PAX7: variants seen among roughly 807,000 people sequenced by gnomAD.
PAX7 encodes the protein paired box 7.
In PAX7, 18 loss-of-function variants were observed where a neutral mutation model predicts 50.7. The ratio of observed to expected loss-of-function variants is 0.36; its 90% confidence interval spans 0.25 to 0.53. PAX7 has a LOEUF of 0.53. Ranked by LOEUF, PAX7 falls within the 20% of genes least tolerant of loss-of-function variation. PAX7 has a pLI of 0.93. For missense variants in PAX7, 644 were observed against 702.9 expected (o/e 0.92, Z 0.95); for synonymous variants, 310 against 290.4 (o/e 1.07, Z -0.69).
At chr1:18,687,474 C>T (rs2100285387) in intron 4 of PAX7, among the ~76,000 whole-genome samples, 1 of 152,274 alleles carries the variant, frequency 6.6e-6, no homozygotes, top group South Asian at 2.1e-4. Context: ...GGCTGTGTGT[C>T]CTCCATCCAA....
chr1:18,674,737 T>C (rs1329785750), intron 4 of PAX7, among the ~76,000 whole-genome samples: 1 of 152,226 alleles, frequency 6.6e-6, no homozygotes, highest in Non-Finnish European at 1.5e-5. Context: ...GTTGTGTGTT[T>C]CTCCCCAGGC....
At position 18,681,111 on chromosome 1, in the gene PAX7, G is replaced by C. The variant is rs373863598; in HGVS notation, c.587-10643G>C. ...GAACCTGGGAGGCGGAGGTTGCGGT[G>C]AGCTGAGATTGTACCATTGCACTCC... On this transcript the variant is annotated intron_variant, in intron 4 of 8. Coordinates refer to ENST00000420770, the MANE Select transcript of PAX7 (RefSeq NM_001135254.2). 4.7e-4 allele frequency among the ~76,000 whole-genome samples: 70 copies of C among 148,644 alleles called. 1 individual carries two copies. In the South Asian group the frequency reaches 0.015, roughly 33 times the overall value.
At chr1:18,708,759 G>A (rs762547034) in intron 7 of PAX7, among the ~76,000 whole-genome samples, 11 of 152,080 alleles carry the variant, frequency 7.2e-5, no homozygotes, top group Non-Finnish European at 1.5e-4. Context: ...GGGATCTCCA[G>A]TCTGGTGGGG....
At chr1:18,742,148 CTTTTTT>C (rs61248648) in intron 8 of PAX7, among the ~76,000 whole-genome samples, 6 of 103,552 alleles carry the variant, frequency 5.8e-5, no homozygotes, top group Admixed American at 3.3e-4. Flanking sequence ...AATGAGGCTT[CTTTTTT>C]TTTTTTTTTT....
At chr1:18,707,483 G>C (rs769007764) in intron 7 of PAX7, among the ~76,000 whole-genome samples, 3 of 131,278 alleles carry the variant, frequency 2.3e-5, no homozygotes, top group African/African-American at 8.7e-5. Flanking sequence ...GCAGTGGCGC[G>C]ATCTCAGCTC....
chr1:18,734,993 A>G (rs977080900), intron 7 of PAX7, among the ~76,000 whole-genome samples: 2 of 152,204 alleles, frequency 1.3e-5, no homozygotes, highest in African/African-American at 2.4e-5. Flanking sequence ...CTGGCCAGGC[A>G]GGGAAGGAGG....
At chr1:18,676,373 G>A (rs2236829) in intron 4 of PAX7, among the ~76,000 whole-genome samples, 4,055 of 151,172 alleles carry the variant, frequency 0.027, 114 homozygotes, top group East Asian at 0.14. Flanking sequence ...ATGGGGGCAC[G>A]ACAGGTTGGG....
intron 7 of PAX7, among the ~76,000 whole-genome samples, chr1:18,710,259 C>T (rs2236823): frequency 0.35 from 53,633 of 151,876 alleles, 10,518 homozygotes; most frequent in Non-Finnish European, 0.44. Context: ...TCAGGTCTGC[C>T]GGACCCAGGA....
At chr1:18,701,348 G>C (rs1557539114) in intron 6 of PAX7, among the ~76,000 whole-genome samples, 1 of 152,086 alleles carries the variant, frequency 6.6e-6, no homozygotes, top group Non-Finnish European at 1.5e-5. Flanking sequence ...GCGTGTGAGT[G>C]CATGAGTGTG....
chr1:18,728,006 T>C (rs2089595659), intron 7 of PAX7, among the ~76,000 whole-genome samples: 1 of 150,948 alleles, frequency 6.6e-6, no homozygotes, highest in South Asian at 2.1e-4. Context: ...AGTGGAGTAT[T>C]GAGAGGAAGA....
rs909831896 is a variant in PAX7 at position 18,699,085 on chromosome 1, C to A, written c.787-1568C>A. Among the ~76,000 whole-genome samples the A allele has an allele frequency of 6.6e-5, 10 of 152,326 alleles. 2 individuals carry two copies. Among genetic ancestry groups the A allele is most frequent in the Admixed American group, 6.5e-4 (10 of 15,304 alleles). ...GCACCCCAGTGCCAATCCTGCCTCC[C>A]CTTGTTCATTCATTCATTCGTCATT... On this transcript the variant is annotated intron_variant, in intron 5 of 8. Coordinates refer to ENST00000420770, the MANE Select transcript of PAX7 (RefSeq NM_001135254.2).
Position 18,747,959 on chromosome 1 carries a change from T to C in PAX7, c.*3030T>C. ...CTTTCAATCTTGTTCCTTTATTTTTTTCATTTGGTATTTCTCTCTTGCTAT... is the reference window on the plus strand; with the variant it reads ...CTTTCAATCTTGTTCCTTTATTTTTCTCATTTGGTATTTCTCTCTTGCTAT... On this transcript the variant is annotated 3_prime_UTR_variant, in exon 9 of 9. Transcript: ENST00000420770. 5.0e-6 allele frequency: 1 copy of C among 200,366 alleles called. No individual in the cohort carries two copies. The highest frequency in any genetic ancestry group is 1.0e-5 in the Non-Finnish European group (1 of 97,056). 12.4% of individuals were successfully genotyped at this position (200,366 alleles called of 1,614,324 possible). A position where few individuals can be genotyped will look rare whatever the true frequency, so the allele number is the denominator to read the frequency against.
intron 4 of PAX7, among the ~76,000 whole-genome samples, chr1:18,688,372 G>A (rs532930021): frequency 1.3e-5 from 2 of 152,282 alleles, no homozygotes; most frequent in South Asian, 2.1e-4. Flanking sequence ...TGACTGTATC[G>A]GATTGTGCTG....
At position 18,705,396 on chromosome 1, in the gene PAX7, TG is replaced by T. The variant is rs1345962118; in HGVS notation, c.1155+2105del. On this transcript the variant is annotated intron_variant, in intron 7 of 8. Transcript: ENST00000420770. ...GTGGCTTGGTGGTACAAAACAAATT[TG>T]GGGGAGTGTCCTTAGAAAGCTGAAG... Among the ~76,000 whole-genome samples the T allele has an allele frequency of 8.5e-5, 13 of 152,220 alleles. No individual in the cohort carries two copies. The East Asian group carries it at 2.5e-3, about 29-fold the overall frequency.
chr1:18,713,726 G>A (rs1323327258), intron 7 of PAX7, among the ~76,000 whole-genome samples: 1 of 152,176 alleles, frequency 6.6e-6, no homozygotes, highest in Non-Finnish European at 1.5e-5. Context: ...AGAGGAGGGA[G>A]GGCATAGTCA....
chr1:18,648,124 G>A (rs1257065867), intron 4 of PAX7, among the ~76,000 whole-genome samples: 1 of 152,076 alleles, frequency 6.6e-6, no homozygotes, highest in Admixed American at 6.6e-5. Context: ...GGTTTGAGGA[G>A]ATGGTGAAAA....
intron 4 of PAX7, among the ~76,000 whole-genome samples, chr1:18,644,823 G>C (rs2088312909): frequency 6.6e-6 from 1 of 152,172 alleles, no homozygotes; most frequent in African/African-American, 2.4e-5. Context: ...CGTGTACTAT[G>C]CTCCCCCTTT....
At chr1:18,732,409 C>G (rs185584655) in intron 7 of PAX7, among the ~76,000 whole-genome samples, 4 of 152,238 alleles carry the variant, frequency 2.6e-5, no homozygotes, top group Admixed American at 2.6e-4. Flanking sequence ...TAGCAAGTAC[C>G]ACGTAGGCAC....
At chr1:18,668,566 T>G (rs747312447) in intron 4 of PAX7, among the ~76,000 whole-genome samples, 1 of 152,100 alleles carries the variant, frequency 6.6e-6, no homozygotes, top group Non-Finnish European at 1.5e-5. Context: ...TAGCTGGGCA[T>G]GGTGGCATGT....
Sources: gnomAD v4.1 joint callset for allele counts (sites outside exome capture counted in the v4.1 genomes callset) on GRCh38, gnomAD v4.1.1 for gene constraint, MANE v1.5 for transcripts, NCBI Gene and HGNC (gene_info 2026-07-23, HGNC 2026-07-21) for gene names.